Variants in HEATR3 observed in about 807,000 individuals in gnomAD.
The protein encoded by HEATR3 is HEAT repeat containing 3.
A neutral mutation model predicts 72.8 loss-of-function variants in HEATR3; 56 were observed. The ratio of observed to expected loss-of-function variants is 0.77; its 90% confidence interval spans 0.62 to 0.96. The LOEUF is 0.96. HEATR3 is among the 40% of genes least tolerant of loss of function. HEATR3 has a pLI of 0.00. For missense variants in HEATR3, 747 were observed against 831.4 expected (o/e 0.90, Z 1.25); for synonymous variants, 331 against 318.1 (o/e 1.04, Z -0.43).
chr16:50,078,709 A>T (rs759947708), intron 6 of HEATR3, 32 bp from the exon 7 acceptor site: 1 of 1,575,940 alleles, frequency 6.3e-7, no homozygotes, highest in Non-Finnish European at 8.6e-7. Flanking sequence ...TTTCACAGGC[A>T]TTTCTTATCC....
At chr16:50,090,536 TTATGTTTGTGTCTGATATCAGAGATAA>T (rs1364052915) in intron 11 of HEATR3, among the ~76,000 whole-genome samples, 2 of 152,170 alleles carry the variant, frequency 1.3e-5, no homozygotes, top group Non-Finnish European at 2.9e-5. Context: ...ATACCTACAT[TTATGTTTGTGTCTGATATCAGAGATAA>T]AAGGAGCACA....
chr16:50,100,286 T>A lies in HEATR3; in HGVS notation c.1656T>A (p.Asn552Lys), dbSNP rs773368329. The A allele has an allele frequency of 6.8e-6, 11 of 1,614,024 alleles. No individual in the cohort carries two copies. Among genetic ancestry groups the A allele is most frequent in the Non-Finnish European group, 9.3e-6 (11 of 1,179,894 alleles). ...GCAAAGCAGGCATTCATAGTAGTAATGTCGGGGTTAGAGTGAATGTCGTTA... is the reference window on the plus strand; with the variant it reads ...GCAAAGCAGGCATTCATAGTAGTAAAGTCGGGGTTAGAGTGAATGTCGTTA... ...TLCKAGIHSS[N>K]VGVRVNVVSI... Residue 552 changes from asparagine to lysine, a missense_variant, in exon 13 of 15, where the codon AAT becomes AAA. Coordinates refer to ENST00000299192, the MANE Select transcript of HEATR3 (RefSeq NM_182922.4).
At chr16:50,092,263 G>A (rs867972298) in intron 11 of HEATR3, among the ~76,000 whole-genome samples, 7 of 151,828 alleles carry the variant, frequency 4.6e-5, no homozygotes, top group Admixed American at 2.6e-4. Flanking sequence ...GCTTGAGCCC[G>A]GGAGGTCCAG....
At chr16:50,099,248 T>C (rs1176049495) in intron 12 of HEATR3, among the ~76,000 whole-genome samples, 2 of 152,168 alleles carry the variant, frequency 1.3e-5, no homozygotes, top group South Asian at 2.1e-4. Flanking sequence ...TTTTATTGAT[T>C]TCCCCTGGTA....
At position 50,104,975 on chromosome 16, in the gene HEATR3, C is replaced by A; in HGVS notation, c.1957C>A (p.Gln653Lys). The A allele has an allele frequency of 6.2e-7, 1 of 1,612,088 alleles. No individual in the cohort carries two copies. Among genetic ancestry groups the A allele is most frequent in the South Asian group, 1.1e-5 (1 of 90,348 alleles). Residue 653 changes from glutamine to lysine, a missense_variant, in exon 15 of 15, where the codon CAG becomes AAG. Gln to Lys is a moderately conservative substitution (Grantham distance 53, BLOSUM62 1). This residue lies in a region of HEATR3 where 586 missense variants were observed against 708.8 expected (regional missense o/e 0.83). Transcript: ENST00000299192. ...AGGGAGAGGTAACTATAGCACAGAT[C>A]AGCTGTGTGTTCTTGACAATGTGAA... ...KEGRGNYSTD[Q>K]LCVLDNVKMN...
intron 12 of HEATR3, among the ~76,000 whole-genome samples, chr16:50,099,258 A>C (rs1018620639): frequency 6.6e-6 from 1 of 152,176 alleles, no homozygotes; most frequent in Non-Finnish European, 1.5e-5. Context: ...TTCCCCTGGT[A>C]TGTAAGCAGC....
Position 50,107,268 on chromosome 16 carries a change from T to C in HEATR3, c.*2207T>C, listed in dbSNP as rs1428622593. 3.9e-5 allele frequency among the ~76,000 whole-genome samples: 6 copies of C among 152,250 alleles called. No homozygotes were observed. The East Asian group carries it at 1.2e-3, about 29-fold the overall frequency. On this transcript the variant is annotated 3_prime_UTR_variant, in exon 15 of 15. Coordinates refer to ENST00000299192, the MANE Select transcript of HEATR3 (RefSeq NM_182922.4). ...GAGTAAATAAATGCTGGTGATTTTC[T>C]CGTTGTTTTGTGTGTGATTTTCTGT...
intron 11 of HEATR3, among the ~76,000 whole-genome samples, chr16:50,087,665 C>G (rs2037017352): frequency 6.6e-6 from 1 of 152,192 alleles, no homozygotes; most frequent in Non-Finnish European, 1.5e-5. Context: ...GCCCCTCTCT[C>G]TCAGCTGCTG....
intron 11 of HEATR3, among the ~76,000 whole-genome samples, chr16:50,089,830 A>G (rs7200609): frequency 0.99 from 151,275 of 152,060 alleles, 75,255 homozygotes; most frequent in Middle Eastern, 1. Flanking sequence ...CAATGCGCCC[A>G]GCTAATTTTT....
intron 7 of HEATR3, among the ~76,000 whole-genome samples, chr16:50,081,904 A>G (rs781200796): frequency 2.6e-5 from 4 of 152,182 alleles, no homozygotes; most frequent in Non-Finnish European, 4.4e-5. Context: ...TTCTGTACTG[A>G]TTATTTTGAA....
chr16:50,104,833 T>C (rs1389297353), intron 14 of HEATR3, 106 bp from the exon 15 acceptor site: 1 of 1,012,564 alleles, frequency 9.9e-7, no homozygotes, highest in Non-Finnish European at 1.4e-6. Flanking sequence ...TTCTTACAGC[T>C]ATCTGCTTCA....
At chr16:50,098,368 T>C (rs2037291565) in intron 12 of HEATR3, 1 of 152,038 alleles carries the variant, frequency 6.6e-6, no homozygotes, top group Admixed American at 6.6e-5. Context: ...AAAATAATAA[T>C]AAATAGGTCG....
intron 5 of HEATR3, 72 bp downstream of exon 5, chr16:50,072,786 G>A (rs941669112): frequency 1.5e-5 from 14 of 904,672 alleles, no homozygotes; most frequent in African/African-American, 3.3e-5. Flanking sequence ...CAGCTTTGGC[G>A]TGTTTATTCC....
chr16:50,082,793 T>G (rs910559002), intron 7 of HEATR3, among the ~76,000 whole-genome samples: 2 of 151,878 alleles, frequency 1.3e-5, no homozygotes, highest in African/African-American at 4.8e-5. Context: ...TTTTTTTTCT[T>G]TTTCTTTTTC....
chr16:50,102,188 G>T, intron 13 of HEATR3, 71 bp from the exon 14 acceptor site: 1 of 1,295,344 alleles, frequency 7.7e-7, no homozygotes, highest in South Asian at 1.3e-5. Flanking sequence ...ATGAGTTATT[G>T]CCACATTCAA....
intron 7 of HEATR3, among the ~76,000 whole-genome samples, chr16:50,083,037 G>A (rs1208564963): frequency 1.3e-5 from 2 of 152,134 alleles, no homozygotes; most frequent in Non-Finnish European, 2.9e-5. Context: ...CAGAGGCTGC[G>A]GCAAGAGGAT....
chr16:50,102,391 T>C lies in HEATR3; in HGVS notation c.1876T>C (p.Leu626=). The C allele has an allele frequency of 6.2e-7, 1 of 1,614,140 alleles. No homozygotes were observed. Among genetic ancestry groups the C allele is most frequent in the Non-Finnish European group, 8.5e-7 (1 of 1,180,022 alleles). ...CGAAAGAGCCTCGATTCAAATTAAA[T>C]TATTATCTGCTCTGAAAGAATTCCA... ...EAERASIQIK[L]LSALKEFQPV... The change falls in exon 14 of 15, where the codon TTA becomes CTA. Residue 626 remains leucine, a synonymous_variant. Coordinates refer to ENST00000299192, the MANE Select transcript of HEATR3 (RefSeq NM_182922.4).
chr16:50,078,865 A>G lies in HEATR3; in HGVS notation c.888A>G (p.Lys296=), dbSNP rs1257926698. 6.2e-7 allele frequency: 1 copy of G among 1,614,186 alleles called. No individual in the cohort carries two copies. ...MDAGEMVIQM[K]EAETQRLKTA... ...CTGGTGAAATGGTTATTCAAATGAA[A>G]GAGGCTGAAACGCAAAGGTTAAAAA... The change falls in exon 7 of 15, where the codon AAA becomes AAG. Residue 296 remains lysine (K), a synonymous_variant. Coordinates refer to ENST00000299192, the MANE Select transcript of HEATR3 (RefSeq NM_182922.4).
intron 5 of HEATR3, chr16:50,073,682 A>G (rs2036661607): frequency 6.6e-6 from 1 of 152,226 alleles, no homozygotes; most frequent in Admixed American, 6.5e-5. Context: ...TGTTACAATA[A>G]GAGAACTTCA....
Sources: allele counts gnomAD v4.1 joint callset (sites outside exome capture counted in the v4.1 genomes callset), GRCh38; gene constraint gnomAD v4.1.1; regional missense constraint gnomAD v4.1.1; transcripts MANE v1.5; gene names NCBI Gene and HGNC (gene_info 2026-07-23, HGNC 2026-07-21).